COMMD10: variants seen among roughly 807,000 people sequenced by gnomAD.
COMMD10 encodes the protein COMM domain-containing protein 10.
Under a neutral mutation model 28.9 loss-of-function variants are expected in COMMD10, and 33 were observed. That is an observed-to-expected ratio of 1.14 (90% CI 0.87 to 1.53). COMMD10 has a LOEUF of 1.53. COMMD10 is among the 40% of genes most tolerant of loss of function. COMMD10 has a pLI of 0.00. For synonymous variants in COMMD10, 110 were observed against 81.7 expected (o/e 1.35, Z -1.87); for missense variants, 310 against 233.4 (o/e 1.33, Z -2.14).
intron 5 of COMMD10, among the ~76,000 whole-genome samples, chr5:116,168,046 A>G (rs1341209870): frequency 1.3e-5 from 2 of 151,802 alleles, no homozygotes; most frequent in Admixed American, 6.6e-5. Flanking sequence ...GGTAAATTGG[A>G]TAGAGTCAAG....
At chr5:116,091,953 A>G (rs1432685619) in intron 3 of COMMD10, among the ~76,000 whole-genome samples, 1 of 152,234 alleles carries the variant, frequency 6.6e-6, no homozygotes, top group Non-Finnish European at 1.5e-5. Context: ...CCTTACATAC[A>G]TTATAGATCA....
chr5:116,133,399 A>C (rs1751923032), intron 4 of COMMD10, among the ~76,000 whole-genome samples: 1 of 152,222 alleles, frequency 6.6e-6, no homozygotes, highest in African/African-American at 2.4e-5. Flanking sequence ...TAACTAATAA[A>C]TTCAAAGGAA....
chr5:116,122,980 G>T (rs1048139258), intron 4 of COMMD10, among the ~76,000 whole-genome samples: 10 of 152,094 alleles, frequency 6.6e-5, no homozygotes, highest in East Asian at 3.9e-4. Context: ...TCTTTCTCTT[G>T]CCTGCTTGCC....
chr5:116,128,465 A>G (rs1271416634), intron 4 of COMMD10, among the ~76,000 whole-genome samples: 1 of 152,080 alleles, frequency 6.6e-6, no homozygotes, highest in Non-Finnish European at 1.5e-5. Flanking sequence ...AAATTACATT[A>G]ATATAATTCA....
At chr5:116,181,675 A>G (rs1747970442) in intron 5 of COMMD10, among the ~76,000 whole-genome samples, 1 of 152,006 alleles carries the variant, frequency 6.6e-6, no homozygotes, top group African/African-American at 2.4e-5. Flanking sequence ...TACTTTGAGA[A>G]TCATTGTTAT....
At chr5:116,216,082 C>T (rs1256507969) in intron 5 of COMMD10, among the ~76,000 whole-genome samples, 1 of 152,154 alleles carries the variant, frequency 6.6e-6, no homozygotes, top group Non-Finnish European at 1.5e-5. Context: ...ACCATTACCA[C>T]ATTGATAATT....
At chr5:116,132,699 C>T (rs1751898291) in intron 4 of COMMD10, among the ~76,000 whole-genome samples, 1 of 152,044 alleles carries the variant, frequency 6.6e-6, no homozygotes, top group Middle Eastern at 3.2e-3. Context: ...ATGGTTATGA[C>T]ATTTATTCCT....
intron 5 of COMMD10, among the ~76,000 whole-genome samples, chr5:116,169,518 C>T (rs997900217): frequency 6.6e-6 from 1 of 152,160 alleles, no homozygotes; most frequent in Admixed American, 6.6e-5. Context: ...ATACCAAAAC[C>T]TGGCAGAGAC....
At chr5:116,223,182 AT>A (rs1323477777) in intron 5 of COMMD10, among the ~76,000 whole-genome samples, 2 of 151,974 alleles carry the variant, frequency 1.3e-5, no homozygotes, top group Non-Finnish European at 2.9e-5. Context: ...GAAGTCAGAT[AT>A]TTTCTATATT....
intron 5 of COMMD10, among the ~76,000 whole-genome samples, chr5:116,275,763 A>G (rs1750893258): frequency 6.6e-6 from 1 of 151,700 alleles, no homozygotes. Context: ...AAGATGTCAT[A>G]CTTCACAAAG....
At chr5:116,184,727 C>A (rs1748083468) in intron 5 of COMMD10, among the ~76,000 whole-genome samples, 1 of 152,168 alleles carries the variant, frequency 6.6e-6, no homozygotes, top group African/African-American at 2.4e-5. Flanking sequence ...TGATAATTCT[C>A]TAGGGTTGAA....
chr5:116,221,875 A>G (rs957681001), intron 5 of COMMD10, among the ~76,000 whole-genome samples: 6 of 152,290 alleles, frequency 3.9e-5, no homozygotes, highest in South Asian at 2.1e-4. Flanking sequence ...CACATAACAT[A>G]GACAGGTAGA....
intron 5 of COMMD10, among the ~76,000 whole-genome samples, chr5:116,241,164 A>G (rs990433039): frequency 5.9e-5 from 9 of 152,210 alleles, no homozygotes; most frequent in Admixed American, 1.3e-4. Flanking sequence ...CAAAGAAATT[A>G]GAACATGAAG....
chr5:116,139,990 A>G (rs552662881), intron 5 of COMMD10, among the ~76,000 whole-genome samples: 1 of 151,690 alleles, frequency 6.6e-6, no homozygotes, highest in Middle Eastern at 3.2e-3. Flanking sequence ...CTCCAGACTT[A>G]TTTATCCTAC....
chr5:116,219,236 GTC>G (rs200783660), intron 5 of COMMD10, among the ~76,000 whole-genome samples: 1 of 88,468 alleles, frequency 1.1e-5, no homozygotes, highest in Non-Finnish European at 3.5e-5. Flanking sequence ...AAGCCACCCA[GTC>G]TGTGGCATTT....
At chr5:116,246,210 A>G (rs974228963) in intron 5 of COMMD10, among the ~76,000 whole-genome samples, 9 of 152,146 alleles carry the variant, frequency 5.9e-5, no homozygotes, top group Admixed American at 1.3e-4. Flanking sequence ...CAAGAGCCAA[A>G]TGAGGAACAT....
rs576123172 is a variant in COMMD10, at chr5:116,246,592, T to C, written c.511-44925T>C. Among the ~76,000 whole-genome samples the C allele has an allele frequency of 5.3e-5, 8 of 152,120 alleles. No individual in the cohort carries two copies. In the East Asian group the frequency reaches 1.4e-3, roughly 26 times the overall value. On this transcript the variant is annotated intron_variant, in intron 5 of 6. Coordinates refer to ENST00000274458, the MANE Select transcript of COMMD10 (RefSeq NM_016144.4). ...CCCATTACTTGACTTCAAACTATATTACAGGGCTACAATAATCAAAACAGC... is the reference window on the plus strand; with the variant it reads ...CCCATTACTTGACTTCAAACTATATCACAGGGCTACAATAATCAAAACAGC...
intron 4 of COMMD10, among the ~76,000 whole-genome samples, chr5:116,098,399 C>T (rs1268322253): frequency 3.3e-5 from 5 of 152,208 alleles, no homozygotes; most frequent in African/African-American, 9.6e-5. Context: ...GTTGGTAGTA[C>T]AGTCAGCCCT....
chr5:116,198,189 A>G (rs1049104566), intron 5 of COMMD10, among the ~76,000 whole-genome samples: 4 of 152,142 alleles, frequency 2.6e-5, no homozygotes, highest in Non-Finnish European at 5.9e-5. Flanking sequence ...CTTAATTTCT[A>G]AGTACATTTT....
Sources: allele counts gnomAD v4.1 joint callset (sites outside exome capture counted in the v4.1 genomes callset), GRCh38; gene constraint gnomAD v4.1.1; transcripts MANE v1.5; gene names NCBI Gene and HGNC (gene_info 2026-07-23, HGNC 2026-07-21).